The following ATRNL1 variants were observed in gnomAD, a reference collection of about 807,000 sequenced individuals.
ATRNL1 encodes attractin-like protein 1.
In ATRNL1, 95 loss-of-function variants were observed where a neutral mutation model predicts 182.7. That is an observed-to-expected ratio of 0.52 (90% CI 0.44 to 0.62). The LOEUF (loss-of-function observed/expected upper bound fraction) is 0.62, where lower values mean the gene tolerates loss of function less well. Among genes scored for constraint, ATRNL1 ranks in the 20% least tolerant of loss-of-function variants. The pLI is 0.00. For missense variants in ATRNL1, 1,471 were observed against 1,679.5 expected (o/e 0.88, Z 2.17); for synonymous variants, 576 against 568.3 (o/e 1.01, Z -0.19).
intron 10 of ATRNL1, among the ~76,000 whole-genome samples, chr10:115,247,754 A>G (rs1850706979): frequency 1.3e-5 from 2 of 152,226 alleles, no homozygotes; most frequent in African/African-American, 4.8e-5. Flanking sequence ...CACAACATCC[A>G]AGATATGGAA....
intron 10 of ATRNL1, 49 bp downstream of exon 10, chr10:115,241,774 C>T: frequency 1.3e-6 from 2 of 1,487,710 alleles, no homozygotes; most frequent in Non-Finnish European, 1.8e-6. Flanking sequence ...AGAAATTTTC[C>T]ATATAGATAT....
chr10:115,561,332 A>T (rs985130088), intron 26 of ATRNL1, among the ~76,000 whole-genome samples: 21 of 152,162 alleles, frequency 1.4e-4, no homozygotes, highest in Non-Finnish European at 1.6e-4. Context: ...TGTATAAAGA[A>T]TTTGAGTAGG....
intron 28 of ATRNL1, among the ~76,000 whole-genome samples, chr10:115,911,083 C>A (rs988976551): frequency 2.0e-5 from 3 of 152,230 alleles, no homozygotes; most frequent in Admixed American, 1.3e-4. Context: ...TAGCTCCCTG[C>A]AACCTCCGCC....
Position 115,094,007 on chromosome 10 carries a change from T to C in ATRNL1, c.257T>C (p.Val86Ala), listed in dbSNP as rs1554862472. 1 of 1,577,240 alleles carries C rather than the reference T, an allele frequency of 6.3e-7. No individual in the cohort carries two copies. The highest frequency in any genetic ancestry group is 2.4e-5 in the East Asian group (1 of 41,662). ...ACCTGCCTCTGCGACCCGGGCTGGG[T>C]GGGGGACCAGTGCCAGCACTGCCAG... ...NSTCLCDPGW[V>A]GDQCQHCQGR... The change falls in exon 1 of 29, where the codon GTG (valine) becomes GCG (alanine). Residue 86 changes from valine (V) to alanine (A), a missense_variant. Val to Ala is a moderately conservative substitution (Grantham distance 64). Coordinates refer to ENST00000355044, the MANE Select transcript of ATRNL1 (RefSeq NM_207303.4).
At chr10:115,156,366 G>T (rs1361657704) in intron 5 of ATRNL1, among the ~76,000 whole-genome samples, 2 of 152,126 alleles carry the variant, frequency 1.3e-5, no homozygotes, top group Non-Finnish European at 2.9e-5. Context: ...ACTGCTGAAG[G>T]AATTGGTTTG....
At chr10:115,562,708 G>A (rs1853829040) in intron 26 of ATRNL1, among the ~76,000 whole-genome samples, 1 of 152,098 alleles carries the variant, frequency 6.6e-6, no homozygotes, top group Non-Finnish European at 1.5e-5. Context: ...TCTCTCTCCT[G>A]TCCCCATGTG....
chr10:115,882,057 G>C (rs1002858087), intron 28 of ATRNL1, among the ~76,000 whole-genome samples: 1 of 152,128 alleles, frequency 6.6e-6, no homozygotes, highest in East Asian at 1.9e-4. Flanking sequence ...CCCCAGCCTT[G>C]GTTCCTAACA....
At chr10:115,357,366 C>A (rs1183318091) in intron 19 of ATRNL1, among the ~76,000 whole-genome samples, 3 of 151,564 alleles carry the variant, frequency 2.0e-5, no homozygotes, top group Non-Finnish European at 4.4e-5. Context: ...TTTCAAAAGG[C>A]AAAACCAAAC....
chr10:115,506,167 G>C (rs539314218), intron 24 of ATRNL1, among the ~76,000 whole-genome samples: 1 of 151,852 alleles, frequency 6.6e-6, no homozygotes, highest in Non-Finnish European at 1.5e-5. Context: ...TGCATGTGTT[G>C]TGGCAGGGTG....
chr10:115,705,659 A>G (rs536572902), intron 26 of ATRNL1, among the ~76,000 whole-genome samples: 4 of 152,096 alleles, frequency 2.6e-5, no homozygotes, highest in African/African-American at 9.6e-5. Context: ...ACTGCACTAT[A>G]GATTACTGTA....
intron 9 of ATRNL1, among the ~76,000 whole-genome samples, chr10:115,219,209 G>A (rs1447951012): frequency 6.7e-6 from 1 of 149,308 alleles, no homozygotes; most frequent in Non-Finnish European, 1.5e-5. Context: ...TCCAGTCTGG[G>A]TGACAGAGTG....
chr10:115,534,929 A>T (rs555341314), intron 25 of ATRNL1, among the ~76,000 whole-genome samples: 2 of 152,304 alleles, frequency 1.3e-5, no homozygotes, highest in South Asian at 4.1e-4. Context: ...ATGTTGTCCT[A>T]TTGGCCCCCA....
At chr10:115,860,178 C>A (rs536174789) in intron 28 of ATRNL1, among the ~76,000 whole-genome samples, 17 of 152,288 alleles carry the variant, frequency 1.1e-4, no homozygotes, top group African/African-American at 3.6e-4. Context: ...CTGGGATCAT[C>A]ATTTAGAAGC....
At chr10:115,126,047 A>T (rs1024176040) in intron 3 of ATRNL1, among the ~76,000 whole-genome samples, 95 of 152,118 alleles carry the variant, frequency 6.2e-4, no homozygotes, top group African/African-American at 2.3e-3. Context: ...AACCAAACAG[A>T]TCTATTCTTT....
chr10:115,590,159 G>A (rs1050209212), intron 26 of ATRNL1, among the ~76,000 whole-genome samples: 2 of 152,096 alleles, frequency 1.3e-5, no homozygotes, highest in Non-Finnish European at 2.9e-5. Flanking sequence ...TACTGCCATA[G>A]GCCACAGAAA....
intron 13 of ATRNL1, among the ~76,000 whole-genome samples, chr10:115,280,619 A>G (rs571679106): frequency 6.6e-6 from 1 of 152,166 alleles, no homozygotes; most frequent in Non-Finnish European, 1.5e-5. Context: ...AAGGCCCTGA[A>G]GTTTTGCTGC....
chr10:115,202,127 T>C (rs1398878233), intron 8 of ATRNL1, among the ~76,000 whole-genome samples: 1 of 152,134 alleles, frequency 6.6e-6, no homozygotes, highest in African/African-American at 2.4e-5. Flanking sequence ...TAAGGAGATA[T>C]TGGGCTGAGG....
rs546677159 is a variant in ATRNL1, at chr10:115,164,561, AT to A, written c.1005-996del. 1.8e-4 allele frequency among the ~76,000 whole-genome samples: 28 copies of A among 152,306 alleles called. 2 individuals carry two copies. The South Asian group carries it at 5.8e-3, about 32-fold the overall frequency. ...TATTGCAGCACTATTTACAATAGCC[AT>A]AATATGGACTCAACATGTGTCCATC... On this transcript the variant is annotated intron_variant, in intron 6 of 28. Transcript: ENST00000355044.
intron 26 of ATRNL1, among the ~76,000 whole-genome samples, chr10:115,705,906 G>C (rs1351706111): frequency 6.6e-6 from 1 of 151,866 alleles, no homozygotes; most frequent in Non-Finnish European, 1.5e-5. Context: ...ATTACTTATT[G>C]ACAGACATGG....
Sources: gnomAD v4.1 joint callset for allele counts (sites outside exome capture counted in the v4.1 genomes callset) on GRCh38, gnomAD v4.1.1 for gene constraint, MANE v1.5 for transcripts, NCBI Gene and HGNC (gene_info 2026-07-23, HGNC 2026-07-21) for gene names.